NTMT1: variants seen among roughly 807,000 people sequenced by gnomAD.
NTMT1 encodes the protein N-terminal RCC1 methyltransferase.
Under a neutral mutation model 17.5 loss-of-function variants are expected in NTMT1, and 8 were observed. That is an observed-to-expected ratio of 0.46 (90% CI 0.27 to 0.82). NTMT1 has a LOEUF of 0.82. NTMT1 is among the 40% of genes least tolerant of loss of function. The probability of loss-of-function intolerance (pLI) is 0.15; values close to 1 mark genes in which losing one functional copy is unlikely to be tolerated. For missense variants in NTMT1, 221 were observed against 303.5 expected (o/e 0.73, Z 2.02); for synonymous variants, 128 against 126.8 (o/e 1.01, Z -0.06).
Position 129,632,651 on chromosome 9 carries a change from A to G in NTMT1, c.-53A>G. 1 of 1,603,252 alleles carries G rather than the reference A, an allele frequency of 6.2e-7. No homozygotes were observed. The highest frequency in any genetic ancestry group is 1.7e-4 in the Middle Eastern group (1 of 6,022). On this transcript the variant is annotated splice_region_variant and 5_prime_UTR_variant, in exon 2 of 4. Coordinates refer to ENST00000372483, the MANE Select transcript of NTMT1 (RefSeq NM_014064.4). The stretch of plus-strand genomic sequence containing the variant: ...ACTCACGCCCCCTTCCTTACCCAGG[A>G]GAGTCGCGGTTGCTGATCGTGGTGC...
At chr9:129,632,986 C>T (rs111724861) in intron 2 of NTMT1, 121 bp downstream of exon 2, 1 of 1,169,956 alleles carries the variant, frequency 8.5e-7, no homozygotes, top group Non-Finnish European at 1.2e-6. Flanking sequence ...CTCTTGGTAC[C>T]TACCCCAAAG....
chr9:129,627,676 A>G lies in NTMT1; in HGVS notation c.-55+1381A>G, dbSNP rs371178838. On this transcript the variant is annotated intron_variant, in intron 1 of 3. Coordinates refer to ENST00000372483, the MANE Select transcript of NTMT1 (RefSeq NM_014064.4). Reference sequence around the variant, plus strand: ...TCCATCAGAGCCTTTGTTAGTTTTTAAATGTATCCCCTGTTTTGTCTTCTT... The same window carrying G: ...TCCATCAGAGCCTTTGTTAGTTTTTGAATGTATCCCCTGTTTTGTCTTCTT... Among the ~76,000 whole-genome samples, 12 of 152,290 alleles carry G rather than the reference A, an allele frequency of 7.9e-5. No homozygotes were observed. The South Asian group carries it at 2.5e-3, about 32-fold the overall frequency.
At chr9:129,612,386 G>A (rs1047724161) in intron 1 of NTMT1, 2 of 1,613,484 alleles carry the variant, frequency 1.2e-6, no homozygotes, top group African/African-American at 1.3e-5. Context: ...AGGCCAGGAG[G>A]AGATGGTACC....
intron 1 of NTMT1, among the ~76,000 whole-genome samples, chr9:129,629,593 G>A (rs1379623136): frequency 6.6e-6 from 1 of 152,126 alleles, no homozygotes; most frequent in East Asian, 1.9e-4. Context: ...TTCCGGCAGT[G>A]TTGTTCCCAG....
chr9:129,630,953 A>G (rs10117850), intron 1 of NTMT1, among the ~76,000 whole-genome samples: 2,201 of 152,308 alleles, frequency 0.014, 64 homozygotes, highest in African/African-American at 0.049. Context: ...AGTGTGGGAA[A>G]CACATCAGCC....
At chr9:129,627,816 G>A (rs937982631) in intron 1 of NTMT1, among the ~76,000 whole-genome samples, 11 of 152,248 alleles carry the variant, frequency 7.2e-5, no homozygotes, top group Non-Finnish European at 1.6e-4. Context: ...CTGCTAGAGG[G>A]TGGAGGTAAC....
rs2118961304 is a variant in NTMT1 at position 129,632,686 on chromosome 9, G to A, written c.-18G>A. On this transcript the variant is annotated 5_prime_UTR_variant, in exon 2 of 4. Transcript: ENST00000372483. ...TTGCTGATCGTGGTGCTTGAGTAGA[G>A]CCGTGGTTGGTGACAGCATGACGAG... is the stretch of plus-strand genomic sequence containing the variant. The A allele has an allele frequency of 1.2e-6, 2 of 1,613,612 alleles. No individual in the cohort carries two copies. Among genetic ancestry groups the A allele is most frequent in the Admixed American group, 3.3e-5 (2 of 59,984 alleles).
chr9:129,627,095 A>G (rs781421467), intron 1 of NTMT1, among the ~76,000 whole-genome samples: 1 of 152,168 alleles, frequency 6.6e-6, no homozygotes, highest in South Asian at 2.1e-4. Context: ...TCCTGTTTGT[A>G]TGTTTAAAGA....
Position 129,613,231 on chromosome 9 carries a change from C to T in NTMT1, c.-55+4053C>T. 1 of 1,610,936 alleles carries T rather than the reference C, an allele frequency of 6.2e-7. No individual in the cohort carries two copies. Among genetic ancestry groups the T allele is most frequent in the Non-Finnish European group, 8.5e-7 (1 of 1,178,306 alleles). ...CATGGAGGTGTCCTCAGAAAGGTAG[C>T]CCTGTGTCTTCTGGGTGGACCTGGG... On this transcript the variant is annotated intron_variant, in intron 1 of 3. Transcript: ENST00000372486. The surrounding 1 kb of genome is among the most constrained non-coding windows in gnomAD (Gnocchi z 6.2).
intron 1 of NTMT1, among the ~76,000 whole-genome samples, chr9:129,611,396 C>G (rs754694518): frequency 3.3e-5 from 5 of 152,190 alleles, no homozygotes. Flanking sequence ...GCCACCTTGT[C>G]TTTCGCCACC....
At position 129,613,498 on chromosome 9, in the gene NTMT1, GC is replaced by G; in HGVS notation, c.-55+4321del. 1 of 1,614,146 alleles carries G rather than the reference GC, an allele frequency of 6.2e-7. No individual in the cohort carries two copies. The highest frequency in any genetic ancestry group is 8.5e-7 in the Non-Finnish European group (1 of 1,180,022). On this transcript the variant is annotated intron_variant, in intron 1 of 3. Coordinates refer to the NTMT1 transcript ENST00000372486. The surrounding 1 kb of genome is among the most constrained non-coding windows in gnomAD (Gnocchi z 6.2). ...CTCCTCCTTGGCCCCAGGGTACAGG[GC>G]TTTGGGCAAACTCTCCAGCCGTTTT...
chr9:129,631,113 C>A (rs147291978), intron 1 of NTMT1, among the ~76,000 whole-genome samples: 9 of 152,362 alleles, frequency 5.9e-5, no homozygotes, highest in Non-Finnish European at 1.0e-4. Flanking sequence ...TCTGCCCCAC[C>A]CCCTCCAGCA....
intron 1 of NTMT1, among the ~76,000 whole-genome samples, chr9:129,629,478 C>T (rs113823835): frequency 6.6e-6 from 1 of 152,014 alleles, no homozygotes; most frequent in East Asian, 1.9e-4. Flanking sequence ...GCAGCCTTGA[C>T]CTCCCAGGCT....
At chr9:129,621,744 T>G (rs1830726912), upstream of NTMT1, among the ~76,000 whole-genome samples, 1 of 151,422 alleles carries the variant, frequency 6.6e-6, no homozygotes, top group South Asian at 2.1e-4. Context: ...CACTGAGGGG[T>G]TTCTAAGCCT....
intron 1 of NTMT1, among the ~76,000 whole-genome samples, chr9:129,611,290 G>C (rs1487091495): frequency 6.6e-6 from 1 of 152,222 alleles, no homozygotes; most frequent in Non-Finnish European, 1.5e-5. Context: ...GGGTCTGGGG[G>C]CCACTGACAG....
exon 1 of NTMT1, chr9:129,608,953 C>T (rs1415168945): frequency 6.6e-6 from 1 of 152,386 alleles, no homozygotes; most frequent in Non-Finnish European, 1.5e-5. Flanking sequence ...GGAGACGGGG[C>T]TTCCCCGTGA....
intron 1 of NTMT1, among the ~76,000 whole-genome samples, chr9:129,609,668 A>T (rs926421537): frequency 6.6e-5 from 10 of 151,668 alleles, no homozygotes; most frequent in Admixed American, 6.6e-4. Context: ...GGTGAGAGAT[A>T]GGCCCCCGGA....
At chr9:129,621,933 C>T (rs1830736297), upstream of NTMT1, among the ~76,000 whole-genome samples, 9 of 152,232 alleles carry the variant, frequency 5.9e-5, no homozygotes, top group South Asian at 1.7e-3. Flanking sequence ...CTCCCAGCCC[C>T]TCCCGGCTGC....
At chr9:129,615,789 G>T in intron 1 of NTMT1, 1 of 961,120 alleles carries the variant, frequency 1.0e-6, no homozygotes, top group Non-Finnish European at 1.4e-6. Flanking sequence ...CACAGCAGCC[G>T]GCCTTAACGG....
Sources: gnomAD v4.1 joint callset for allele counts (sites outside exome capture counted in the v4.1 genomes callset) on GRCh38, gnomAD v4.1.1 for gene constraint, Gnocchi (gnomAD v3.1) non-coding constraint, MANE v1.5 for transcripts, NCBI Gene and HGNC (gene_info 2026-07-23, HGNC 2026-07-21) for gene names.